Variants in DGKZ observed in about 807,000 individuals in gnomAD.
The protein encoded by DGKZ is DAG kinase zeta.
Under a neutral mutation model 142.5 loss-of-function variants are expected in DGKZ, and 45 were observed. The ratio of observed to expected loss-of-function variants is 0.32; its 90% confidence interval spans 0.25 to 0.40. The LOEUF (loss-of-function observed/expected upper bound fraction) is 0.40. Among genes scored for constraint, DGKZ ranks in the 10% least tolerant of loss-of-function variants. DGKZ has a pLI of 1.00. For missense variants in DGKZ, 755 were observed against 1,306.5 expected (o/e 0.58, Z 6.51); for synonymous variants, 442 against 527.0 (o/e 0.84, Z 2.21).
chr11:46,341,848 A>G lies in DGKZ; in HGVS notation c.212+8361A>G, dbSNP rs114358426. On this transcript the variant is annotated intron_variant, in intron 1 of 30. Transcript: ENST00000343674. ...AGGGGAGGTTCATTTAGCACCTACT[A>G]TGAGGCAGGCACTAGCATGGCATGA... Among the ~76,000 whole-genome samples, 678 of 152,302 alleles carry G rather than the reference A, an allele frequency of 4.5e-3. 6 individuals carry two copies. Among genetic ancestry groups the G allele is most frequent in the African/African-American group, 0.016 (651 of 41,558 alleles).
chr11:46,367,543 A>G lies in DGKZ; in HGVS notation c.271-109A>G. On this transcript the variant is annotated intron_variant, in intron 2 of 30. Coordinates refer to ENST00000527911, the Ensembl canonical transcript of DGKZ. This position sits in a 1 kb window ranked among gnomAD's most constrained non-coding sequence, Gnocchi z 4.1. ...GGGCAGACGGAACAGAGCAGGGTCGATCGGGGCGCTGGAGTGGGTTTGTCT... is the reference window on the plus strand; with the variant it reads ...GGGCAGACGGAACAGAGCAGGGTCGGTCGGGGCGCTGGAGTGGGTTTGTCT... The G allele has an allele frequency of 1.1e-6, 1 of 905,652 alleles. No individual in the cohort carries two copies. The highest frequency in any genetic ancestry group is 2.6e-5 in the African/African-American group (1 of 38,460). 56.1% of individuals were successfully genotyped at this position (905,652 alleles called of 1,614,324 possible). A position where few individuals can be genotyped will look rare whatever the true frequency, so the allele number is the denominator to read the frequency against.
intron 1 of DGKZ, among the ~76,000 whole-genome samples, chr11:46,338,095 C>T (rs72910075): frequency 0.071 from 10,743 of 152,290 alleles, 579 homozygotes; most frequent in Middle Eastern, 0.12. Flanking sequence ...AGTGAAGAAG[C>T]GCCAGGGTTC....
intron 1 of DGKZ, among the ~76,000 whole-genome samples, chr11:46,341,417 G>C (rs1940270701): frequency 6.6e-6 from 1 of 152,218 alleles, no homozygotes; most frequent in African/African-American, 2.4e-5. Context: ...GGGATCAGCA[G>C]GTGGGGTGGA....
chr11:46,365,884 C>T (rs1042248650), intron 1 of DGKZ: 63 of 985,272 alleles, frequency 6.4e-5, no homozygotes, highest in Non-Finnish European at 7.2e-5. Flanking sequence ...AGGTGGAGGC[C>T]TTTAGGCCCA....
At chr11:46,370,104 C>A in intron 6 of DGKZ, 95 bp downstream of exon 6, 2 of 1,488,790 alleles carry the variant, frequency 1.3e-6, no homozygotes, top group Non-Finnish European at 1.9e-6. Context: ...TGACCACACC[C>A]TGGTGTGCAG....
At chr11:46,336,233 C>G (rs1481762564) in intron 1 of DGKZ, among the ~76,000 whole-genome samples, 1 of 152,124 alleles carries the variant, frequency 6.6e-6, no homozygotes, top group Non-Finnish European at 1.5e-5. Context: ...CCTCCCAGTG[C>G]CAGCATGGGC....
chr11:46,353,150 T>A (rs1450286959), intron 1 of DGKZ, among the ~76,000 whole-genome samples: 2 of 152,172 alleles, frequency 1.3e-5, no homozygotes, highest in Non-Finnish European at 2.9e-5. Flanking sequence ...CATGTGATCT[T>A]CATAACATCT....
intron 1 of DGKZ, among the ~76,000 whole-genome samples, chr11:46,351,828 A>G (rs1393122341): frequency 6.6e-6 from 1 of 152,232 alleles, no homozygotes; most frequent in Non-Finnish European, 1.5e-5. Flanking sequence ...AACCCAGTGT[A>G]GAATTCTCAC....
At chr11:46,346,296 C>T (rs1477032894), upstream of DGKZ, among the ~76,000 whole-genome samples, 4 of 152,168 alleles carry the variant, frequency 2.6e-5, no homozygotes, top group African/African-American at 9.7e-5. Flanking sequence ...GGCAGAGAGG[C>T]GTGCACACAG....
At position 46,367,660 on chromosome 11, in the gene DGKZ, G is replaced by A. The variant is rs1339459879; in HGVS notation, c.279G>A (p.Ala93=). ...GCCCATCCCGTGGCTAGGAGTCAGCGACATATGGGGAGCACATCTGGTTCG... is the reference window on the plus strand; with the variant it reads ...GCCCATCCCGTGGCTAGGAGTCAGCAACATATGGGGAGCACATCTGGTTCG... Residue 93 remains alanine, a synonymous_variant, in exon 3 of 31, where the codon GCG becomes GCA. Coordinates refer to ENST00000527911, the Ensembl canonical transcript of DGKZ. The surrounding 1 kb of genome is among the most constrained non-coding windows in gnomAD (Gnocchi z 4.1). The A allele has an allele frequency of 6.3e-7, 1 of 1,599,514 alleles. No individual in the cohort carries two copies.
At chr11:46,338,801 C>T (rs764967576) in intron 1 of DGKZ, 5 of 152,142 alleles carry the variant, frequency 3.3e-5, no homozygotes, top group African/African-American at 1.2e-4. Context: ...TTTCCTCACA[C>T]GGAAAATGCG....
intron 1 of DGKZ, among the ~76,000 whole-genome samples, chr11:46,356,263 A>C (rs1170106717): frequency 6.6e-6 from 1 of 152,180 alleles, no homozygotes; most frequent in Non-Finnish European, 1.5e-5. Flanking sequence ...CCTCTGAGAC[A>C]CCAGAGCTCA....
In DGKZ at chr11:46,376,568, A is replaced by T; in HGVS notation, c.2202+4A>T. Reference sequence around the variant, plus strand: ...CTACAGGATCGACCGAGCCCAGGTGAGCGATTGCAGGCCTGCTCCAGCCAC... The same window carrying T: ...CTACAGGATCGACCGAGCCCAGGTGTGCGATTGCAGGCCTGCTCCAGCCAC... On this transcript the variant is annotated splice_donor_region_variant and intron_variant, in intron 24 of 30. Transcript: ENST00000527911. The T allele has an allele frequency of 6.2e-7, 1 of 1,613,372 alleles. No individual in the cohort carries two copies. The highest frequency in any genetic ancestry group is 8.5e-7 in the Non-Finnish European group (1 of 1,179,980).
chr11:46,347,098 G>A (rs1940704101), upstream of DGKZ, among the ~76,000 whole-genome samples: 1 of 152,206 alleles, frequency 6.6e-6, no homozygotes, highest in Non-Finnish European at 1.5e-5. The surrounding 1 kb of genome is among the most constrained non-coding windows in gnomAD (Gnocchi z 6.4). Context: ...TGAGTAGGGT[G>A]TGCGAGAGCG....
chr11:46,349,200 G>A (rs1050682022), intron 1 of DGKZ, among the ~76,000 whole-genome samples: 1 of 152,194 alleles, frequency 6.6e-6, no homozygotes, highest in African/African-American at 2.4e-5. Context: ...GTGTTACCAC[G>A]CAGGCTTCAA....
At chr11:46,348,537 G>A (rs1286172666) in intron 1 of DGKZ, among the ~76,000 whole-genome samples, 1 of 125,874 alleles carries the variant, frequency 7.9e-6, no homozygotes, top group Non-Finnish European at 1.6e-5. Context: ...AAGGGATGGG[G>A]TGGGCTGGAG....
chr11:46,379,699 G>A lies in DGKZ; in HGVS notation c.2688+131G>A, dbSNP rs1945000639. On this transcript the variant is annotated intron_variant, in intron 30 of 30. Coordinates refer to ENST00000527911, the Ensembl canonical transcript of DGKZ. ...AGACCCTGGGAAACCTGAGCCAGCA[G>A]GGGAGGAGCTGGTGGGCAGAGAGGC... 1.4e-5 allele frequency: 18 copies of A among 1,271,772 alleles called. No homozygotes were observed. The South Asian group carries it at 2.4e-4, about 17-fold the overall frequency. 78.8% of individuals were successfully genotyped at this position (1,271,772 alleles called of 1,614,324 possible). A position where few individuals can be genotyped will look rare whatever the true frequency, so the allele number is the denominator to read the frequency against.
intron 14 of DGKZ, 77 bp from the exon 15 acceptor site, chr11:46,374,080 C>G: frequency 6.6e-7 from 1 of 1,517,402 alleles, no homozygotes; most frequent in Non-Finnish European, 9.1e-7. Context: ...GCTGAGCTGG[C>G]TCGGCCACAC....
At chr11:46,373,275 T>G (rs1024953858) in intron 14 of DGKZ, among the ~76,000 whole-genome samples, 174 bp downstream of exon 14, 105 of 145,480 alleles carry the variant, frequency 7.2e-4, no homozygotes, top group Middle Eastern at 6.8e-3. Context: ...TTTTTCTGTG[T>G]TTTTTTTTTG....
Sources: gnomAD v4.1 joint callset for allele counts (sites outside exome capture counted in the v4.1 genomes callset) on GRCh38, gnomAD v4.1.1 for gene constraint, Gnocchi (gnomAD v3.1) non-coding constraint, MANE v1.5 for transcripts, NCBI Gene and HGNC (gene_info 2026-07-23, HGNC 2026-07-21) for gene names.